Variants in TENM3 observed in about 807,000 individuals in gnomAD.
The protein encoded by TENM3 is teneurin transmembrane protein 3, also known as teneurin-3.
TENM3 carries 63 observed loss-of-function variants against 255.1 expected under a neutral mutation model. The ratio of observed to expected loss-of-function variants is 0.25; its 90% CI spans 0.20 to 0.30. The LOEUF (loss-of-function observed/expected upper bound fraction) is 0.30, where lower values mean the gene tolerates loss of function less well. TENM3 is among the 10% of genes least tolerant of loss of function. The probability of loss-of-function intolerance (pLI) is 1.00; values close to 1 mark genes in which losing one functional copy is unlikely to be tolerated. For synonymous variants in TENM3, 1,306 were observed against 1,322.3 expected, an observed-to-expected ratio of 0.99 and a Z score of 0.27; for missense variants, 2,929 against 3,461.1, an observed-to-expected ratio of 0.85 and a Z score of 3.86.
At chr4:181,668,173 A>G in the TENM3 span, among the ~76,000 whole-genome samples, 2 of 152,196 alleles carry the variant, frequency 1.3e-5, no homozygotes, top group Admixed American at 6.5e-5. Context: ...ATGAATGTGA[A>G]GAAGTACACA....
intron 4 of TENM3, among the ~76,000 whole-genome samples, chr4:182,604,191 A>G (rs142431461): frequency 1.1e-3 from 168 of 152,252 alleles, no homozygotes; most frequent in African/African-American, 3.8e-3. Flanking sequence ...AATCAATGTG[A>G]CTGTGTACTG....
At chr4:181,573,417 AT>A in the TENM3 span, among the ~76,000 whole-genome samples, 32 of 150,576 alleles carry the variant, frequency 2.1e-4, no homozygotes, top group Middle Eastern at 3.4e-3. Context: ...TCTTTCTTAA[AT>A]TTTTTTTTTA....
intron 2 of TENM3, among the ~76,000 whole-genome samples, chr4:182,327,617 T>A (rs917324195): frequency 5.3e-5 from 8 of 152,198 alleles, no homozygotes; most frequent in Non-Finnish European, 1.2e-4. Context: ...TTCTTCACAG[T>A]CATTGTGTAA....
intron 1 of TENM3, among the ~76,000 whole-genome samples, chr4:182,308,010 T>A (rs764153197): frequency 1.3e-5 from 2 of 152,238 alleles, no homozygotes; most frequent in Non-Finnish European, 2.9e-5. Context: ...AGCAGACATC[T>A]GAGAACGCAA....
At chr4:181,997,426 G>C in the TENM3 span, among the ~76,000 whole-genome samples, 1 of 152,142 alleles carries the variant, frequency 6.6e-6, no homozygotes, top group Non-Finnish European at 1.5e-5. Flanking sequence ...GCTGTCAAGA[G>C]GAAGGTTTCT....
chr4:181,731,844 A>G, the TENM3 span, among the ~76,000 whole-genome samples: 1 of 152,216 alleles, frequency 6.6e-6, no homozygotes, highest in Non-Finnish European at 1.5e-5. Flanking sequence ...TAAGAGACAA[A>G]TGAACATTTT....
intron 1 of TENM3, among the ~76,000 whole-genome samples, chr4:182,191,489 T>C (rs1753514606): frequency 6.6e-6 from 1 of 152,188 alleles, no homozygotes; most frequent in South Asian, 2.1e-4. Flanking sequence ...GTCCCATTGC[T>C]AATTCTTCTC....
chr4:182,625,455 G>A (rs1458088135), intron 4 of TENM3, among the ~76,000 whole-genome samples: 1 of 152,124 alleles, frequency 6.6e-6, no homozygotes, highest in Non-Finnish European at 1.5e-5. Context: ...GATCTGAGGT[G>A]GAAAAGTTTC....
chr4:182,419,339 C>T (rs576227795), intron 3 of TENM3, among the ~76,000 whole-genome samples: 1 of 152,104 alleles, frequency 6.6e-6, no homozygotes, highest in Non-Finnish European at 1.5e-5. Flanking sequence ...CACACCAGTT[C>T]GAATGGCAAT....
At chr4:181,509,966 A>G in the TENM3 span, among the ~76,000 whole-genome samples, 1 of 152,232 alleles carries the variant, frequency 6.6e-6, no homozygotes, top group African/African-American at 2.4e-5. Context: ...AACAAATGCA[A>G]GCAAACCCCC....
chr4:182,187,502 C>T (rs1362614009), intron 1 of TENM3, among the ~76,000 whole-genome samples: 2 of 152,120 alleles, frequency 1.3e-5, no homozygotes, highest in African/African-American at 4.8e-5. Context: ...GACAGACATC[C>T]AAATGGGAAA....
the TENM3 span, among the ~76,000 whole-genome samples, chr4:181,552,394 C>T: frequency 7.2e-5 from 11 of 152,096 alleles, no homozygotes; most frequent in African/African-American, 1.4e-4. Flanking sequence ...AGTATCTTTC[C>T]GATATCCATT....
chr4:182,785,008 C>T (rs1343865025), intron 24 of TENM3, among the ~76,000 whole-genome samples: 4 of 152,194 alleles, frequency 2.6e-5, no homozygotes, highest in African/African-American at 9.7e-5. Context: ...CAGAAATCAC[C>T]GTCTTCGGCG....
chr4:182,356,239 T>C (rs887858539), intron 3 of TENM3, among the ~76,000 whole-genome samples: 1 of 152,146 alleles, frequency 6.6e-6, no homozygotes, highest in African/African-American at 2.4e-5. Context: ...AATACCCGTG[T>C]CTGTAGTCCC....
At chr4:181,894,379 C>T in the TENM3 span, among the ~76,000 whole-genome samples, 320 of 152,258 alleles carry the variant, frequency 2.1e-3, 8 homozygotes, top group East Asian at 0.056. Context: ...ACCTGTACTG[C>T]TCGGACTTCA....
the TENM3 span, among the ~76,000 whole-genome samples, chr4:181,849,949 T>TCTCACACA: frequency 1.7e-4 from 11 of 65,960 alleles, no homozygotes; most frequent in South Asian, 2.4e-3. Flanking sequence ...TCTCTCTCTC[T>TCTCACACA]CACACACACA....
At chr4:182,240,249 G>C (rs1399028972), upstream of TENM3, among the ~76,000 whole-genome samples, 1 of 152,118 alleles carries the variant, frequency 6.6e-6, no homozygotes, top group Non-Finnish European at 1.5e-5. Flanking sequence ...ACCATAAATA[G>C]GCCTGCTTGT....
At chr4:182,139,275 G>A (rs1749226141), upstream of TENM3, among the ~76,000 whole-genome samples, 1 of 152,154 alleles carries the variant, frequency 6.6e-6, no homozygotes, top group Non-Finnish European at 1.5e-5. Flanking sequence ...GTGTTCCAGG[G>A]GCCCCGGATG....
the TENM3 span, among the ~76,000 whole-genome samples, chr4:181,966,535 G>A: frequency 6.6e-6 from 1 of 152,236 alleles, no homozygotes; most frequent in East Asian, 1.9e-4. Context: ...GGTGTCTTCT[G>A]TCTTCCCCAA....
Sources: gnomAD v4.1 joint callset for allele counts (sites outside exome capture counted in the v4.1 genomes callset) on GRCh38, gnomAD v4.1.1 for gene constraint, MANE v1.5 for transcripts, NCBI Gene and HGNC (gene_info 2026-07-23, HGNC 2026-07-21) for gene names.